TTC27: variants seen among roughly 807,000 people sequenced by gnomAD.
TTC27 encodes tetratricopeptide repeat domain 27.
TTC27 carries 79 observed loss-of-function variants against 115.9 expected under a neutral mutation model. The observed-to-expected ratio is 0.68, with a 90% CI of 0.57 to 0.82. The LOEUF is 0.82. TTC27 is among the 40% of genes least tolerant of loss of function. The pLI is 0.00. For synonymous variants in TTC27, 401 were observed against 356.0 expected (o/e 1.13, Z -1.42); for missense variants, 1,054 against 993.1 (o/e 1.06, Z -0.82).
At chr2:32,798,236 C>A (rs1670779216) in intron 16 of TTC27, among the ~76,000 whole-genome samples, 2 of 150,014 alleles carry the variant, frequency 1.3e-5, no homozygotes, top group Middle Eastern at 3.2e-3. Flanking sequence ...AAAACCCCAT[C>A]TCTACTAAAA....
At chr2:32,758,546 C>T (rs751782322) in intron 13 of TTC27, 27 bp downstream of exon 13, 3 of 1,594,658 alleles carry the variant, frequency 1.9e-6, no homozygotes, top group African/African-American at 1.3e-5. Flanking sequence ...CCCCCTGCTG[C>T]TCTCAGCGCT....
chr2:32,720,649 GT>G (rs548803045), intron 10 of TTC27, among the ~76,000 whole-genome samples: 34 of 152,134 alleles, frequency 2.2e-4, no homozygotes, highest in African/African-American at 8.2e-4. Flanking sequence ...TTCTTATTGG[GT>G]TTCCTAAAAA....
In TTC27 at chr2:32,678,678, C is replaced by T. The variant is rs112998258; in HGVS notation, c.1053-178C>T. 3.9e-3 allele frequency among the ~76,000 whole-genome samples: 592 copies of T among 152,210 alleles called. 3 individuals are homozygous for T. Among genetic ancestry groups the T allele is most frequent in the African/African-American group, 0.013 (527 of 41,516 alleles). On this transcript the variant is annotated intron_variant, in intron 8 of 19. Transcript: ENST00000317907. Reference sequence around the variant, plus strand: ...TCCTGACCTTGTGATCTGCCCGCCTCGGCCTCCCAAAGTGTTGGGATCACA... The same window carrying T: ...TCCTGACCTTGTGATCTGCCCGCCTTGGCCTCCCAAAGTGTTGGGATCACA...
chr2:32,701,086 A>G (rs1230690250), intron 9 of TTC27, among the ~76,000 whole-genome samples: 1 of 152,176 alleles, frequency 6.6e-6, no homozygotes, highest in Non-Finnish European at 1.5e-5. Flanking sequence ...TAATTATAGA[A>G]GAATAAGATT....
chr2:32,642,199 G>T (rs1388690151), intron 4 of TTC27, among the ~76,000 whole-genome samples: 1 of 150,804 alleles, frequency 6.6e-6, no homozygotes, highest in African/African-American at 2.4e-5. Context: ...GACTTGGTCT[G>T]TGCTGTGTAA....
rs1368512271 is a variant in TTC27 at position 32,798,713 on chromosome 2, A to AAAATAAT, written c.1998+11566_1998+11567insATAATAA. On this transcript the variant is annotated intron_variant, in intron 16 of 19. Transcript: ENST00000317907. ...GAGCGAGACTCCAGCTCAAAAAAAA[A>AAAATAAT]AATAATAATAATAATAATAATAATA... 6.5e-3 allele frequency among the ~76,000 whole-genome samples: 928 copies of AAAATAAT among 142,330 alleles called. 11 individuals are homozygous for AAAATAAT. Among genetic ancestry groups the AAAATAAT allele is most frequent in the African/African-American group, 0.021 (774 of 36,866 alleles). 93.4% of individuals were successfully genotyped at this position (142,330 alleles called of 152,430 possible). A position where few individuals can be genotyped will look rare whatever the true frequency, so the allele number is the denominator to read the frequency against.
At chr2:32,779,449 G>A (rs1194560884) in intron 14 of TTC27, among the ~76,000 whole-genome samples, 1 of 152,100 alleles carries the variant, frequency 6.6e-6, no homozygotes, top group Non-Finnish European at 1.5e-5. Context: ...ATCCTCTTTG[G>A]AAATGTCTAT....
chr2:32,792,455 G>C (rs1670567579), intron 16 of TTC27, among the ~76,000 whole-genome samples: 1 of 152,106 alleles, frequency 6.6e-6, no homozygotes, highest in East Asian at 1.9e-4. Flanking sequence ...TTAACCTAAA[G>C]CCCTTTCCAC....
At chr2:32,646,900 AT>A (rs1664886134) in intron 4 of TTC27, among the ~76,000 whole-genome samples, 1 of 149,108 alleles carries the variant, frequency 6.7e-6, no homozygotes, top group African/African-American at 2.5e-5. Flanking sequence ...CCATATAAAG[AT>A]TTTTGGTTTG....
intron 16 of TTC27, among the ~76,000 whole-genome samples, chr2:32,805,023 A>G (rs1362668147): frequency 1.3e-5 from 2 of 152,210 alleles, no homozygotes; most frequent in African/African-American, 4.8e-5. Context: ...TTCCAATGTA[A>G]AAGAACTTAA....
At chr2:32,658,856 T>A (rs1158421746) in intron 5 of TTC27, among the ~76,000 whole-genome samples, 1 of 152,246 alleles carries the variant, frequency 6.6e-6, no homozygotes, top group East Asian at 1.9e-4. Flanking sequence ...ATTCTTTTCA[T>A]CTTAGATATT....
intron 7 of TTC27, among the ~76,000 whole-genome samples, chr2:32,670,041 A>G (rs957117300): frequency 3.3e-5 from 5 of 150,956 alleles, no homozygotes; most frequent in Non-Finnish European, 5.9e-5. Context: ...CCACGCCCGG[A>G]TAGTTGTTGT....
At chr2:32,646,557 G>GTTTTTTT (rs369232306) in intron 4 of TTC27, among the ~76,000 whole-genome samples, 1 of 114,498 alleles carries the variant, frequency 8.7e-6, no homozygotes, top group Non-Finnish European at 1.7e-5. Context: ...TCTATATTTG[G>GTTTTTTT]TTTTTTTTTT....
chr2:32,817,554 A>G lies in TTC27; in HGVS notation c.2406A>G (p.Ala802=), dbSNP rs200266945. ...ATTTACGGGGCTTGTTATCTAAAGC[A>G]AAGGTGAGAGTGACATGTGAATTAA... is the stretch of plus-strand genomic sequence containing the variant. The part of the protein sequence containing the change: ...RLNLRGLLSK[A]KQLFTDVATG... Residue 802 remains alanine (A), a synonymous_variant, in exon 19 of 20, where the codon GCA becomes GCG. Coordinates refer to ENST00000317907, the MANE Select transcript of TTC27 (RefSeq NM_017735.5). 1.3e-4 allele frequency: 208 copies of G among 1,612,320 alleles called. No individual in the cohort carries two copies. Among genetic ancestry groups the G allele is most frequent in the Non-Finnish European group, 1.7e-4 (202 of 1,178,322 alleles).
At chr2:32,631,806 ATTTTC>A (rs1047487719) in intron 2 of TTC27, among the ~76,000 whole-genome samples, 7 of 150,376 alleles carry the variant, frequency 4.7e-5, no homozygotes, top group African/African-American at 1.7e-4. Flanking sequence ...AATATTATTC[ATTTTC>A]TTTTTTCTTT....
intron 8 of TTC27, among the ~76,000 whole-genome samples, chr2:32,677,598 C>T (rs902961805): frequency 2.0e-5 from 3 of 151,716 alleles, no homozygotes; most frequent in Non-Finnish European, 4.4e-5. Flanking sequence ...TACAGGCGTG[C>T]GCCACCACCC....
Position 32,694,902 on chromosome 2 carries a change from C to T in TTC27, c.1120-7905C>T, listed in dbSNP as rs966362688. Among the ~76,000 whole-genome samples, 36 of 151,816 alleles carry T rather than the reference C, an allele frequency of 2.4e-4. 1 individual carries two copies. Among genetic ancestry groups the T allele is most frequent in the Admixed American group, 2.2e-3 (33 of 15,240 alleles). On this transcript the variant is annotated intron_variant, in intron 9 of 19. Transcript: ENST00000317907. The stretch of plus-strand genomic sequence containing the variant: ...CTGTGTTGCTTAGGCTGATCTCAAA[C>T]TCCTGGGCTCAAGCAATCCTCCTGT...
At chr2:32,639,352 T>TA (rs566059759) in intron 3 of TTC27, among the ~76,000 whole-genome samples, 22 of 152,126 alleles carry the variant, frequency 1.4e-4, no homozygotes, top group Non-Finnish European at 3.1e-4. Flanking sequence ...TTGTCCATTG[T>TA]AAAAAAATCT....
At chr2:32,750,194 G>A (rs1668961715) in intron 12 of TTC27, among the ~76,000 whole-genome samples, 1 of 152,192 alleles carries the variant, frequency 6.6e-6, no homozygotes, top group African/African-American at 2.4e-5. Context: ...GGCTTGTGGA[G>A]GGATCTGTGG....
Sources: allele counts gnomAD v4.1 joint callset (sites outside exome capture counted in the v4.1 genomes callset), GRCh38; gene constraint gnomAD v4.1.1; transcripts MANE v1.5; gene names NCBI Gene and HGNC (gene_info 2026-07-23, HGNC 2026-07-21).